TRPC4AP: variants seen among roughly 807,000 people sequenced by gnomAD.
The protein encoded by TRPC4AP is transient receptor potential cation channel subfamily C member 4 associated protein.
TRPC4AP carries 45 observed loss-of-function variants against 99.0 expected under a neutral mutation model. That is an observed-to-expected ratio of 0.45 (90% CI 0.36 to 0.58). The LOEUF (loss-of-function observed/expected upper bound fraction) is 0.58. Ranked by LOEUF, TRPC4AP falls within the 20% of genes least tolerant of loss-of-function variation. The pLI is 0.00. For missense variants in TRPC4AP, 879 were observed against 985.3 expected (o/e 0.89, Z 1.44); for synonymous variants, 408 against 385.8 (o/e 1.06, Z -0.67).
At chr20:35,040,735 T>C (rs2083428934) in intron 7 of TRPC4AP, among the ~76,000 whole-genome samples, 1 of 152,186 alleles carries the variant, frequency 6.6e-6, no homozygotes. Context: ...TCCCAGGTTG[T>C]TGGGATTACA....
Position 35,078,031 on chromosome 20 carries a change from G to A in TRPC4AP, c.297+15C>T. ...GAGGCCCTGAATACGCCCCTCCAAG[G>A]TCCTTAAGAGTTACCTTGAGGATGT... On this transcript the variant is annotated intron_variant, in intron 2 of 18. Transcript: ENST00000252015. 1 of 1,606,212 alleles carries A rather than the reference G, an allele frequency of 6.2e-7. No homozygotes were observed. Among genetic ancestry groups the A allele is most frequent in the Non-Finnish European group, 8.5e-7 (1 of 1,174,674 alleles).
intron 2 of TRPC4AP, among the ~76,000 whole-genome samples, chr20:35,071,268 T>C (rs2084307316): frequency 6.6e-6 from 1 of 152,192 alleles, no homozygotes; most frequent in African/African-American, 2.4e-5. Flanking sequence ...TGGTTTTTAT[T>C]TATTTATTTT....
chr20:35,049,527 TA>T (rs2083646702), intron 6 of TRPC4AP, among the ~76,000 whole-genome samples: 1 of 152,196 alleles, frequency 6.6e-6, no homozygotes, highest in Non-Finnish European at 1.5e-5. Context: ...TAGCATACAA[TA>T]GCACATACAT....
At chr20:35,070,315 T>C (rs1050846782) in intron 2 of TRPC4AP, among the ~76,000 whole-genome samples, 2 of 152,156 alleles carry the variant, frequency 1.3e-5, no homozygotes, top group African/African-American at 4.8e-5. Flanking sequence ...GTCTTCTTGA[T>C]TTCCCCCAAC....
In TRPC4AP at chr20:35,014,530, C is replaced by T. The variant is rs6142271; in HGVS notation, c.1351-1464G>A. On this transcript the variant is annotated intron_variant, in intron 10 of 18. Coordinates refer to ENST00000252015, the MANE Select transcript of TRPC4AP (RefSeq NM_015638.3). ...TGCCCCATGAGCAATCGAAAGAGAC[C>T]TTAAGAAAGTATTTTAAAAATGATT... 7.8e-4 allele frequency among the ~76,000 whole-genome samples: 119 copies of T among 151,860 alleles called. 1 individual carries two copies. Among genetic ancestry groups the T allele is most frequent in the Non-Finnish European group, 9.6e-4 (65 of 67,974 alleles).
At chr20:35,050,530 C>T (rs540466237) in intron 5 of TRPC4AP, among the ~76,000 whole-genome samples, 19 of 152,106 alleles carry the variant, frequency 1.2e-4, no homozygotes, top group African/African-American at 1.7e-4. Flanking sequence ...GCCTGGCCAA[C>T]GTGCCAAAAC....
intron 2 of TRPC4AP, among the ~76,000 whole-genome samples, chr20:35,071,146 T>C (rs1156238543): frequency 6.6e-6 from 1 of 152,180 alleles, no homozygotes. Flanking sequence ...AAAGACTAAG[T>C]TTAATTAGTT....
At chr20:35,005,622 GC>G in intron 16 of TRPC4AP, 72 bp downstream of exon 16, 1 of 1,403,790 alleles carries the variant, frequency 7.1e-7, no homozygotes. Flanking sequence ...TTGTCTCCCT[GC>G]TGGAGACAGG....
intron 9 of TRPC4AP, among the ~76,000 whole-genome samples, chr20:35,019,931 C>T (rs1170660775): frequency 1.3e-5 from 2 of 152,112 alleles, no homozygotes; most frequent in Non-Finnish European, 2.9e-5. Flanking sequence ...TCAAATCTAC[C>T]TTGTACAAAA....
chr20:35,079,126 T>C (rs950107426), intron 1 of TRPC4AP, among the ~76,000 whole-genome samples: 3 of 152,160 alleles, frequency 2.0e-5, no homozygotes, highest in African/African-American at 7.2e-5. Flanking sequence ...GGAGTAGTTA[T>C]ATTAATTTCA....
rs548114288 is a variant in TRPC4AP at position 35,047,149 on chromosome 20, G to C, written c.658-2437C>G. 3.9e-5 allele frequency among the ~76,000 whole-genome samples: 6 copies of C among 152,008 alleles called. No homozygotes were observed. In the East Asian group the frequency reaches 9.6e-4, roughly 24 times the overall value. On this transcript the variant is annotated intron_variant, in intron 6 of 18. Coordinates refer to ENST00000252015, the MANE Select transcript of TRPC4AP (RefSeq NM_015638.3). Reference sequence around the variant, plus strand: ...AAGTGCTGGGATTACAGGCATGAGAGCCACTGTGGCTGGCCAAGAATTTAC... The same window carrying C: ...AAGTGCTGGGATTACAGGCATGAGACCCACTGTGGCTGGCCAAGAATTTAC...
chr20:35,051,353 A>T (rs1411145406), intron 5 of TRPC4AP, among the ~76,000 whole-genome samples: 1 of 152,114 alleles, frequency 6.6e-6, no homozygotes, highest in African/African-American at 2.4e-5. Flanking sequence ...GGCTGAGGCC[A>T]TGACTATTCA....
chr20:35,054,493 C>T (rs114317226), intron 5 of TRPC4AP, among the ~76,000 whole-genome samples: 1 of 152,142 alleles, frequency 6.6e-6, no homozygotes, highest in Non-Finnish European at 1.5e-5. Flanking sequence ...GGTCCTAACA[C>T]TAAGTGCCAT....
chr20:35,021,655 T>C (rs998610222), intron 8 of TRPC4AP, among the ~76,000 whole-genome samples: 5 of 152,192 alleles, frequency 3.3e-5, no homozygotes, highest in Non-Finnish European at 7.3e-5. Context: ...GCCCTTCTCC[T>C]GCCACCAACC....
chr20:35,090,377 C>CTTTTTTTT (rs71196792), intron 1 of TRPC4AP, among the ~76,000 whole-genome samples: 3,807 of 88,730 alleles, frequency 0.043, 377 homozygotes, highest in Middle Eastern at 0.066. Flanking sequence ...ATCTGGTGAG[C>CTTTTTTTT]TTTTTTTTTT....
intron 2 of TRPC4AP, among the ~76,000 whole-genome samples, chr20:35,073,371 T>C (rs896459797): frequency 1.3e-5 from 2 of 152,202 alleles, no homozygotes; most frequent in African/African-American, 4.8e-5. Context: ...TCAAAGGGAA[T>C]GCTTCCAGTT....
At chr20:35,005,582 G>T in intron 16 of TRPC4AP, 113 bp downstream of exon 16, 1 of 973,006 alleles carries the variant, frequency 1.0e-6, no homozygotes, top group East Asian at 2.5e-5. Context: ...CCGGCCACGT[G>T]GGCATCTGGT....
intron 8 of TRPC4AP, among the ~76,000 whole-genome samples, chr20:35,022,839 A>C (rs2082926397): frequency 6.6e-6 from 1 of 152,098 alleles, no homozygotes; most frequent in African/African-American, 2.4e-5. Flanking sequence ...TGGACAATAC[A>C]GTGAGACCTC....
chr20:35,041,426 T>C (rs1187970855), intron 7 of TRPC4AP, among the ~76,000 whole-genome samples: 1 of 152,120 alleles, frequency 6.6e-6, no homozygotes, highest in Non-Finnish European at 1.5e-5. Context: ...TGTGTGGAAC[T>C]ACAACTTTTA....
Sources: gnomAD v4.1 joint callset for allele counts (sites outside exome capture counted in the v4.1 genomes callset) on GRCh38, gnomAD v4.1.1 for gene constraint, MANE v1.5 for transcripts, NCBI Gene and HGNC (gene_info 2026-07-23, HGNC 2026-07-21) for gene names.